Variants in SLC17A3 observed in about 807,000 individuals in gnomAD.
SLC17A3 encodes the protein sodium-dependent phosphate transport protein 4.
A neutral mutation model predicts 60.3 loss-of-function variants in SLC17A3; 61 were observed. The observed-to-expected ratio is 1.01, with a 90% CI of 0.82 to 1.25. SLC17A3 has a LOEUF of 1.25. Among genes scored for constraint, SLC17A3 ranks in the 50% most tolerant of loss-of-function variants. The probability of loss-of-function intolerance (pLI) is 0.00; values close to 1 mark genes in which losing one functional copy is unlikely to be tolerated. For missense variants in SLC17A3, 624 were observed against 594.9 expected (o/e 1.05, Z -0.51); for synonymous variants, 192 against 208.9 (o/e 0.92, Z 0.70).
chr6:25,866,740 T>G (rs1022333022), intron 2 of SLC17A3, among the ~76,000 whole-genome samples: 11 of 151,858 alleles, frequency 7.2e-5, no homozygotes, highest in African/African-American at 2.7e-4. Flanking sequence ...CAGAAAAATC[T>G]AAGGAACAAT....
At position 25,845,535 on chromosome 6, in the gene SLC17A3, A is replaced by G. The variant is rs1304999911; in HGVS notation, c.1363-19T>C. ...CAGGGTCCTGGAGACACAAAACCCC[A>G]AGTATATATTACCCCTTTCATATTT... On this transcript the variant is annotated intron_variant, in intron 11 of 12. Transcript: ENST00000397060. The G allele has an allele frequency of 1.9e-6, 3 of 1,613,478 alleles. No homozygotes were observed. Among genetic ancestry groups the G allele is most frequent in the Non-Finnish European group, 2.5e-6 (3 of 1,179,566 alleles).
At position 25,864,516 on chromosome 6, in the gene SLC17A3, A is replaced by G. The variant is rs1282310048; in HGVS notation, c.92-2072T>C. ...AAATCCCAGCGTGGAAAAAACACCA[A>G]ATAAGAGTTTCAGTTTTACAGGTGG... On this transcript the variant is annotated intron_variant, in intron 2 of 12. Transcript: ENST00000397060. Among the ~76,000 whole-genome samples, 4 of 151,932 alleles carry G rather than the reference A, an allele frequency of 2.6e-5. No homozygotes were observed. In the South Asian group the frequency reaches 8.3e-4, roughly 31 times the overall value.
At chr6:25,868,208 A>T in intron 2 of SLC17A3, 89 bp downstream of exon 2, 1 of 987,838 alleles carries the variant, frequency 1.0e-6, no homozygotes, top group Non-Finnish European at 1.6e-6. Flanking sequence ...TAAAGAACTT[A>T]AAAATCACAA....
At chr6:25,846,557 T>A (rs180825826) in intron 11 of SLC17A3, among the ~76,000 whole-genome samples, 1 of 151,984 alleles carries the variant, frequency 6.6e-6, no homozygotes, top group East Asian at 1.9e-4. Context: ...CCAGGAGGGG[T>A]ACTGAATGGA....
At position 25,845,123 on chromosome 6, in the gene SLC17A3, A is replaced by T; in HGVS notation, c.*178T>A. ...CATTCTTAGTTATCATTTTATTTGA[A>T]TTTTTATTCATCTTACATTTCTCTC... On this transcript the variant is annotated 3_prime_UTR_variant, in exon 13 of 13. Transcript: ENST00000397060. The T allele has an allele frequency of 2.4e-6, 1 of 424,174 alleles. No individual in the cohort carries two copies. The highest frequency in any genetic ancestry group is 2.6e-5 in the South Asian group (1 of 38,308). The allele number at this position is 424,174 out of a possible 1,614,324, so 26.3% of individuals were successfully genotyped here. A position where few individuals can be genotyped will look rare whatever the true frequency, so the allele number is the denominator to read the frequency against.
chr6:25,854,415 C>T (rs780813242), intron 6 of SLC17A3, among the ~76,000 whole-genome samples: 8 of 126,272 alleles, frequency 6.3e-5, no homozygotes, highest in African/African-American at 1.0e-4. Context: ...ATTAATATAT[C>T]CCCCCAGTTT....
chr6:25,868,510 A>G (rs1765577153), intron 1 of SLC17A3, 90 bp from the exon 2 acceptor site: 2 of 856,622 alleles, frequency 2.3e-6, no homozygotes, highest in Non-Finnish European at 1.9e-6. Flanking sequence ...AGGAAAAAAA[A>G]GCTGGCCCAT....
At position 25,862,459 on chromosome 6, in the gene SLC17A3, ACAT is replaced by A; in HGVS notation, c.92-18_92-16del. On this transcript the variant is annotated splice_polypyrimidine_tract_variant and intron_variant, in intron 2 of 12. Coordinates refer to ENST00000397060, the MANE Select transcript of SLC17A3 (RefSeq NM_001098486.2). ...TAAACTTGGAACTGGAAATATTATGACATCATATTAGTGTTTTTTAAAATTGAG... is the reference window on the plus strand; with the variant it reads ...TAAACTTGGAACTGGAAATATTATGACATATTAGTGTTTTTTAAAATTGAG... 1 of 1,586,186 alleles carries A rather than the reference ACAT, an allele frequency of 6.3e-7. No homozygotes were observed. The highest frequency in any genetic ancestry group is 8.7e-7 in the Non-Finnish European group (1 of 1,154,656).
chr6:25,857,723 C>T (rs1765381992), intron 5 of SLC17A3, among the ~76,000 whole-genome samples: 1 of 152,108 alleles, frequency 6.6e-6, no homozygotes, highest in Non-Finnish European at 1.5e-5. Context: ...GACTGCCTGA[C>T]CCCAGGCCAC....
intron 1 of SLC17A3, among the ~76,000 whole-genome samples, chr6:25,872,115 T>G (rs1262265333): frequency 1.3e-5 from 2 of 151,040 alleles, no homozygotes; most frequent in African/African-American, 2.4e-5. Context: ...GTTCAATTAA[T>G]TATATTTTTA....
chr6:25,872,707 A>T (rs1351406912), intron 1 of SLC17A3, among the ~76,000 whole-genome samples: 2 of 151,230 alleles, frequency 1.3e-5, no homozygotes, highest in East Asian at 3.9e-4. Context: ...AAGCATGGGT[A>T]CTCTTGCTAA....
rs758625183 is a variant in SLC17A3, at chr6:25,862,361, T to C, written c.175A>G (p.Met59Val). The change falls in exon 3 of 13, where the codon ATG becomes GTG. Residue 59 changes from methionine to valine, a missense_variant. Met to Val is a conservative substitution (Grantham distance 21). Coordinates refer to ENST00000397060, the MANE Select transcript of SLC17A3 (RefSeq NM_001098486.2). The stretch of plus-strand genomic sequence containing the variant: ...ACCATGGCTACCATGGTGATGTTCA[T>C]GATGACATTTTGTGCTATCGTTGTG... Reference protein sequence around the residue: ...NFTTIAQNVIMNITMVAMVNS... With the variant: ...NFTTIAQNVIVNITMVAMVNS... The C allele has an allele frequency of 3.7e-5, 60 of 1,613,674 alleles. No homozygotes were observed. The highest frequency in any genetic ancestry group is 4.6e-5 in the Non-Finnish European group (54 of 1,179,770).
At chr6:25,854,843 C>T (rs1255199747) in intron 6 of SLC17A3, among the ~76,000 whole-genome samples, 1 of 152,096 alleles carries the variant, frequency 6.6e-6, no homozygotes, top group Non-Finnish European at 1.5e-5. Flanking sequence ...GGATTTCTTC[C>T]TTCCGTGTCT....
At chr6:25,863,611 G>A (rs574264267) in intron 2 of SLC17A3, among the ~76,000 whole-genome samples, 1 of 151,948 alleles carries the variant, frequency 6.6e-6, no homozygotes, top group African/African-American at 2.4e-5. Flanking sequence ...GACTTCAATC[G>A]ATGAGACTGG....
chr6:25,854,191 G>A (rs1305883308), intron 6 of SLC17A3, among the ~76,000 whole-genome samples: 3 of 152,134 alleles, frequency 2.0e-5, no homozygotes, highest in Non-Finnish European at 2.9e-5. Flanking sequence ...TGAATAAAAT[G>A]TACTTAATCT....
At position 25,855,241 on chromosome 6, in the gene SLC17A3, A is replaced by G. The variant is rs909231967; in HGVS notation, c.626-11T>C. On this transcript the variant is annotated splice_polypyrimidine_tract_variant and intron_variant, in intron 5 of 12. Transcript: ENST00000397060. Reference sequence around the variant, plus strand: ...ATCCCAGTAACATTCCTGCAAAGAGAGAGAAAGTAAGCTGTGGGACTCTAG... The same window carrying G: ...ATCCCAGTAACATTCCTGCAAAGAGGGAGAAAGTAAGCTGTGGGACTCTAG... 6.3e-7 allele frequency: 1 copy of G among 1,598,968 alleles called. No homozygotes were observed. The highest frequency in any genetic ancestry group is 1.3e-5 in the African/African-American group (1 of 74,798).
intron 1 of SLC17A3, among the ~76,000 whole-genome samples, chr6:25,871,058 A>T (rs147754867): frequency 0.018 from 2,742 of 152,142 alleles, 50 homozygotes; most frequent in Non-Finnish European, 0.024. Context: ...AAACTAGTTC[A>T]ACCATTGTGG....
intron 8 of SLC17A3, 84 bp downstream of exon 8, chr6:25,850,375 T>C (rs1257023431): frequency 2.7e-6 from 4 of 1,464,596 alleles, no homozygotes; most frequent in Non-Finnish European, 3.8e-6. Flanking sequence ...AAGAAATACA[T>C]TTCTCAGATG....
rs1765453802 is a variant in SLC17A3, at chr6:25,861,879, A to ATGAAGT, written c.448_453dup (p.Thr150_Ser151dup). 1.9e-6 allele frequency: 3 copies of ATGAAGT among 1,613,380 alleles called. No individual in the cohort carries two copies. On this transcript the variant is annotated inframe_insertion, in exon 4 of 13. Coordinates refer to ENST00000397060, the MANE Select transcript of SLC17A3 (RefSeq NM_001098486.2). The stretch of plus-strand genomic sequence containing the variant: ...GCCAGAGGGATGCATAGAGTGAGAA[A>ATGAAGT]TGAAGTTGCAAACAAAGAAATGCCA...
Sources: gnomAD v4.1 joint callset for allele counts (sites outside exome capture counted in the v4.1 genomes callset) on GRCh38, gnomAD v4.1.1 for gene constraint, MANE v1.5 for transcripts, NCBI Gene and HGNC (gene_info 2026-07-23, HGNC 2026-07-21) for gene names.